LUZP2: variants seen among roughly 807,000 people sequenced by gnomAD.
The protein encoded by LUZP2 is leucine zipper protein 2.
Under a neutral mutation model 51.6 loss-of-function variants are expected in LUZP2, and 52 were observed. The ratio of observed to expected loss-of-function variants is 1.01; its 90% CI spans 0.81 to 1.27. LUZP2 has a LOEUF of 1.27. Among genes scored for constraint, LUZP2 ranks in the 50% most tolerant of loss-of-function variants. The pLI is 0.00. For synonymous variants in LUZP2, 154 were observed against 137.3 expected (o/e 1.12, Z -0.85); for missense variants, 436 against 395.4 (o/e 1.10, Z -0.87).
At chr11:24,591,151 A>C (rs1853245474) in intron 1 of LUZP2, among the ~76,000 whole-genome samples, 1 of 152,206 alleles carries the variant, frequency 6.6e-6, no homozygotes. Flanking sequence ...ACACAAAAAC[A>C]ATATCCTTAG....
intron 10 of LUZP2, among the ~76,000 whole-genome samples, chr11:25,075,658 G>A (rs1859279275): frequency 6.6e-6 from 1 of 152,084 alleles, no homozygotes; most frequent in South Asian, 2.1e-4. Flanking sequence ...CTGTCTAGTA[G>A]TAGAAAAGAT....
intron 7 of LUZP2, among the ~76,000 whole-genome samples, chr11:24,963,902 A>G (rs993853491): frequency 2.0e-5 from 3 of 152,152 alleles, no homozygotes; most frequent in Non-Finnish European, 1.5e-5. Flanking sequence ...CTATTTGGCC[A>G]TCTTGGCTCC....
At chr11:24,623,766 G>C (rs1264279443) in intron 1 of LUZP2, among the ~76,000 whole-genome samples, 2 of 152,174 alleles carry the variant, frequency 1.3e-5, no homozygotes, top group Admixed American at 6.5e-5. Flanking sequence ...AGAATTGCTT[G>C]AATCCGGGAG....
intron 5 of LUZP2, among the ~76,000 whole-genome samples, chr11:24,888,636 A>G (rs1294643341): frequency 1.3e-5 from 2 of 152,086 alleles, no homozygotes; most frequent in Non-Finnish European, 2.9e-5. Context: ...TTGTAGGAAT[A>G]TTTGTTTTTA....
At chr11:24,769,480 G>A (rs1434631302) in intron 5 of LUZP2, among the ~76,000 whole-genome samples, 1 of 152,074 alleles carries the variant, frequency 6.6e-6, no homozygotes, top group Non-Finnish European at 1.5e-5. Flanking sequence ...TATGTGTATT[G>A]AACATCACAT....
intron 5 of LUZP2, among the ~76,000 whole-genome samples, chr11:24,845,978 T>C (rs919577697): frequency 2.5e-4 from 38 of 152,122 alleles, no homozygotes; most frequent in Non-Finnish European, 8.8e-5. Flanking sequence ...CATGCTATAA[T>C]ATATTTATTA....
At chr11:24,732,025 T>A (rs1858731274) in intron 2 of LUZP2, 93 bp from the exon 3 acceptor site, 1 of 815,912 alleles carries the variant, frequency 1.2e-6, no homozygotes. Context: ...CCAGGGCATA[T>A]GTGCAGTCCT....
chr11:24,741,895 A>C (rs1590431426), intron 4 of LUZP2, among the ~76,000 whole-genome samples: 1 of 127,024 alleles, frequency 7.9e-6, no homozygotes, highest in Non-Finnish European at 1.5e-5. Context: ...ATTTATATAC[A>C]TATATATTTC....
intron 1 of LUZP2, among the ~76,000 whole-genome samples, chr11:24,538,258 C>T (rs960809947): frequency 6.6e-6 from 1 of 151,636 alleles, no homozygotes; most frequent in Admixed American, 6.6e-5. Flanking sequence ...ACTAGATATA[C>T]ACCTGTAAAA....
In LUZP2 at chr11:24,530,972, T is replaced by C. The variant is rs1293180196; in HGVS notation, c.62+33667T>C. Among the ~76,000 whole-genome samples, 5 of 149,880 alleles carry C rather than the reference T, an allele frequency of 3.3e-5. No individual in the cohort carries two copies. The South Asian group carries it at 6.2e-4, about 19-fold the overall frequency. On this transcript the variant is annotated intron_variant, in intron 1 of 11. Coordinates refer to ENST00000336930, the MANE Select transcript of LUZP2 (RefSeq NM_001009909.4). The stretch of plus-strand genomic sequence containing the variant: ...GCTCCCTATAACATCTGTGTTCTAA[T>C]TATTTCCAAATTTAATTTTACCTGA...
chr11:24,563,316 G>A (rs1194785991), intron 1 of LUZP2, among the ~76,000 whole-genome samples: 3 of 152,004 alleles, frequency 2.0e-5, no homozygotes, highest in African/African-American at 7.2e-5. Context: ...AGGACAAAAT[G>A]TTGGCTTATG....
intron 1 of LUZP2, among the ~76,000 whole-genome samples, chr11:24,617,061 T>C (rs1854313421): frequency 6.6e-6 from 1 of 152,232 alleles, no homozygotes; most frequent in African/African-American, 2.4e-5. Context: ...ATTTTCTGTG[T>C]ACTAATTCTA....
intron 1 of LUZP2, among the ~76,000 whole-genome samples, chr11:24,659,338 G>A (rs180715993): frequency 3.9e-5 from 6 of 151,994 alleles, no homozygotes; most frequent in South Asian, 2.1e-4. Context: ...AGCAAACACC[G>A]CATATTCTCA....
At chr11:24,957,258 T>C (rs1355332787) in intron 7 of LUZP2, among the ~76,000 whole-genome samples, 1 of 152,158 alleles carries the variant, frequency 6.6e-6, no homozygotes. Flanking sequence ...TACTTGTATA[T>C]ATGTATGAGA....
At chr11:25,054,695 G>A (rs868364470) in intron 10 of LUZP2, among the ~76,000 whole-genome samples, 28 of 151,682 alleles carry the variant, frequency 1.8e-4, no homozygotes, top group Middle Eastern at 3.4e-3. Context: ...TGCTAATACC[G>A]TATTTTCTTG....
At chr11:24,855,588 C>T (rs1851538066) in intron 5 of LUZP2, among the ~76,000 whole-genome samples, 1 of 152,178 alleles carries the variant, frequency 6.6e-6, no homozygotes, top group African/African-American at 2.4e-5. Context: ...CTACCAAGAT[C>T]ATTCTTCACA....
chr11:24,536,136 T>A (rs1011837924), intron 1 of LUZP2, among the ~76,000 whole-genome samples: 10 of 151,738 alleles, frequency 6.6e-5, no homozygotes, highest in African/African-American at 1.9e-4. Context: ...AGATATGCTG[T>A]CATTTGGGCT....
intron 1 of LUZP2, among the ~76,000 whole-genome samples, chr11:24,539,143 C>A (rs1851278619): frequency 6.6e-6 from 1 of 151,742 alleles, no homozygotes; most frequent in African/African-American, 2.4e-5. Context: ...CACATATCTG[C>A]TTTTGTATAA....
intron 5 of LUZP2, chr11:24,785,929 C>T (rs1033946088): frequency 1.0e-6 from 1 of 985,068 alleles, no homozygotes; most frequent in African/African-American, 1.7e-5. Flanking sequence ...AACTATAGAT[C>T]TGACTTCCTA....
Sources: gnomAD v4.1 joint callset for allele counts (sites outside exome capture counted in the v4.1 genomes callset) on GRCh38, gnomAD v4.1.1 for gene constraint, MANE v1.5 for transcripts, NCBI Gene and HGNC (gene_info 2026-07-23, HGNC 2026-07-21) for gene names.